Variants in UIMC1 observed in about 807,000 individuals in gnomAD.
UIMC1 encodes the protein ubiquitin interaction motif containing 1.
In UIMC1, 42 loss-of-function variants were observed where a neutral mutation model predicts 84.9. The ratio of observed to expected loss-of-function variants is 0.49; its 90% CI spans 0.39 to 0.64. The LOEUF (loss-of-function observed/expected upper bound fraction) is 0.64. Ranked by LOEUF, UIMC1 falls within the 30% of genes least tolerant of loss-of-function variation. UIMC1 has a pLI of 0.00. For missense variants in UIMC1, 825 were observed against 847.6 expected (o/e 0.97, Z 0.33); for synonymous variants, 281 against 293.0 (o/e 0.96, Z 0.42).
chr5:176,905,410 G>C lies in UIMC1; in HGVS notation c.2032C>G (p.Pro678Ala). ...GAAATGGAAACAAAAGACTTGACGGGAGATTCATTTAAGTCACGACGTGTG... is the reference window on the plus strand; with the variant it reads ...GAAATGGAAACAAAAGACTTGACGGCAGATTCATTTAAGTCACGACGTGTG... Reference protein sequence around the residue: ...SFTRRDLNESPVKSFVSISEA... With the variant: ...SFTRRDLNESAVKSFVSISEA... Residue 678 changes from proline to alanine, a missense_variant, in exon 15 of 15, where the codon CCC becomes GCC. Physicochemically the swap from Pro to Ala is conservative, Grantham distance 27 (BLOSUM62 -1). Transcript: ENST00000511320. 1.2e-6 allele frequency: 2 copies of C among 1,614,152 alleles called. No individual in the cohort carries two copies. The highest frequency in any genetic ancestry group is 2.2e-5 in the East Asian group (1 of 44,886).
chr5:176,954,067 T>C (rs886077011), intron 8 of UIMC1, among the ~76,000 whole-genome samples: 2 of 152,236 alleles, frequency 1.3e-5, no homozygotes, highest in South Asian at 4.1e-4. Flanking sequence ...AAGTGGTTTA[T>C]GTCAGCAAAC....
chr5:176,913,437 T>C (rs1760523343), intron 10 of UIMC1, among the ~76,000 whole-genome samples: 1 of 152,236 alleles, frequency 6.6e-6, no homozygotes, highest in South Asian at 2.1e-4. Flanking sequence ...TAACCTCTTT[T>C]AGATATACAA....
chr5:176,946,941 T>C (rs1224406057), intron 9 of UIMC1, among the ~76,000 whole-genome samples: 2 of 152,180 alleles, frequency 1.3e-5, no homozygotes, highest in Non-Finnish European at 2.9e-5. Context: ...TTACTTAAAG[T>C]TGGTGGTGAA....
At chr5:177,008,443 A>T (rs1437186792), upstream of UIMC1, among the ~76,000 whole-genome samples, 2 of 152,214 alleles carry the variant, frequency 1.3e-5, no homozygotes, top group Non-Finnish European at 2.9e-5. Context: ...CTATGAAGAC[A>T]TGATCCATGT....
intron 10 of UIMC1, among the ~76,000 whole-genome samples, chr5:176,933,642 T>C (rs1349040032): frequency 6.6e-6 from 1 of 152,004 alleles, no homozygotes; most frequent in African/African-American, 2.4e-5. Flanking sequence ...GCTCAAGTGA[T>C]CTTCCCACCT....
intron 6 of UIMC1, among the ~76,000 whole-genome samples, chr5:176,967,046 T>G (rs1349254677): frequency 6.6e-6 from 1 of 152,234 alleles, no homozygotes; most frequent in Non-Finnish European, 1.5e-5. Flanking sequence ...ACTGCATTAC[T>G]GTAGGTATGG....
At chr5:176,959,987 T>C (rs1767135912) in intron 6 of UIMC1, among the ~76,000 whole-genome samples, 1 of 152,024 alleles carries the variant, frequency 6.6e-6, no homozygotes. Flanking sequence ...GCCAAGATCG[T>C]GCTATTGCAC....
chr5:176,953,050 T>C (rs1766092881), intron 8 of UIMC1, among the ~76,000 whole-genome samples: 2 of 152,106 alleles, frequency 1.3e-5, no homozygotes, highest in South Asian at 4.1e-4. Flanking sequence ...AAGAATGGGA[T>C]TAGTGCCCTT....
At position 176,948,850 on chromosome 5, in the gene UIMC1, T is replaced by C. The variant is rs1455113832; in HGVS notation, c.1443+2624A>G. Reference sequence around the variant, plus strand: ...AGTAAACAAGAAATTTTAGGACAAATGACCTACACAGATCCCAATGGCAAG... The same window carrying C: ...AGTAAACAAGAAATTTTAGGACAAACGACCTACACAGATCCCAATGGCAAG... On this transcript the variant is annotated intron_variant, in intron 9 of 14. Transcript: ENST00000511320. 2.6e-5 allele frequency among the ~76,000 whole-genome samples: 4 copies of C among 152,228 alleles called. No individual in the cohort carries two copies. In the East Asian group the frequency reaches 7.7e-4, roughly 29 times the overall value.
In UIMC1 at chr5:176,963,521, T is replaced by TA. The variant is rs74389908; in HGVS notation, c.1200+5033dup. ...GGGTGACAGAGTGAAACTCCATCTT[T>TA]AAAAAAAAAAAAAAAAAAGTGAAAA... On this transcript the variant is annotated intron_variant, in intron 6 of 14. Transcript: ENST00000511320. Among the ~76,000 whole-genome samples the TA allele has an allele frequency of 9.2e-3, 1,196 of 129,990 alleles. 5 individuals carry two copies. Among genetic ancestry groups the TA allele is most frequent in the Middle Eastern group, 0.031 (8 of 258 alleles). The allele number at this position is 129,990 out of a possible 152,430, so 85.3% of individuals were successfully genotyped here. A position where few individuals can be genotyped will look rare whatever the true frequency, so the allele number is the denominator to read the frequency against.
At chr5:176,994,769 G>C (rs886081193) in intron 1 of UIMC1, among the ~76,000 whole-genome samples, 1 of 152,124 alleles carries the variant, frequency 6.6e-6, no homozygotes, top group African/African-American at 2.4e-5. Flanking sequence ...CAGGCAAGCA[G>C]GCTTACAGAA....
chr5:176,991,428 A>G (rs1425718309), intron 1 of UIMC1, among the ~76,000 whole-genome samples: 1 of 152,030 alleles, frequency 6.6e-6, no homozygotes, highest in Non-Finnish European at 1.5e-5. Flanking sequence ...AGGGGAAAGA[A>G]TATGAAATCT....
intron 10 of UIMC1, 77 bp downstream of exon 10, chr5:176,943,258 C>T: frequency 6.8e-7 from 1 of 1,475,798 alleles, no homozygotes; most frequent in Non-Finnish European, 9.0e-7. Context: ...TATGTTTTTT[C>T]CCTGCATTGT....
intron 8 of UIMC1, among the ~76,000 whole-genome samples, chr5:176,953,755 A>C (rs1766223899): frequency 6.6e-6 from 1 of 152,220 alleles, no homozygotes; most frequent in African/African-American, 2.4e-5. Context: ...AGCATGCAAA[A>C]TGTAGGCATA....
intron 2 of UIMC1, among the ~76,000 whole-genome samples, chr5:176,977,295 C>T (rs1770258722): frequency 6.6e-6 from 1 of 150,752 alleles, no homozygotes; most frequent in Non-Finnish European, 1.5e-5. Context: ...CTTCAACAGC[C>T]TCCTCAAAAT....
At chr5:176,994,520 A>AG (rs1004603508) in intron 1 of UIMC1, among the ~76,000 whole-genome samples, 1 of 151,766 alleles carries the variant, frequency 6.6e-6, no homozygotes, top group African/African-American at 2.4e-5. Context: ...TAAAAAAAAA[A>AG]AAAAAAAAAA....
At chr5:176,926,130 C>T (rs924942343) in intron 10 of UIMC1, among the ~76,000 whole-genome samples, 1 of 151,890 alleles carries the variant, frequency 6.6e-6, no homozygotes, top group Non-Finnish European at 1.5e-5. Context: ...TGGGGAAACC[C>T]TCTAAATTAA....
intron 10 of UIMC1, among the ~76,000 whole-genome samples, chr5:176,934,026 A>T (rs2149428755): frequency 6.6e-6 from 1 of 152,220 alleles, no homozygotes; most frequent in Middle Eastern, 3.4e-3. Context: ...GTCATACCCA[A>T]GTCTGTTTCC....
rs1016279747 is a variant in UIMC1 at position 176,977,223 on chromosome 5, C to CAAA, written c.148-1746_148-1744dup. Among the ~76,000 whole-genome samples the CAAA allele has an allele frequency of 1.2e-3, 88 of 71,590 alleles. 1 individual carries two copies. Among genetic ancestry groups the CAAA allele is most frequent in the Admixed American group, 4.4e-3 (26 of 5,892 alleles). 47.0% of individuals were successfully genotyped at this position (71,590 alleles called of 152,430 possible). A position where few individuals can be genotyped will look rare whatever the true frequency, so the allele number is the denominator to read the frequency against. On this transcript the variant is annotated intron_variant, in intron 2 of 14. Coordinates refer to ENST00000511320, the MANE Select transcript of UIMC1 (RefSeq NM_001199298.2). ...GGGGCAAGAGAGTAAGATTCTGTCT[C>CAAA]AAAAAAAAAAAAAAAAAAGAGAGAG...
Sources: allele counts gnomAD v4.1 joint callset (sites outside exome capture counted in the v4.1 genomes callset), GRCh38; gene constraint gnomAD v4.1.1; transcripts MANE v1.5; gene names NCBI Gene and HGNC (gene_info 2026-07-23, HGNC 2026-07-21).